Variants in TSC1 observed in about 807,000 individuals in gnomAD.
TSC1 encodes the protein hamartin.
A neutral mutation model predicts 124.3 loss-of-function variants in TSC1; 20 were observed. The ratio of observed to expected loss-of-function variants is 0.16; its 90% CI spans 0.11 to 0.23. The LOEUF is 0.23. Ranked by LOEUF, TSC1 falls within the 10% of genes least tolerant of loss-of-function variation. TSC1 has a pLI of 1.00. For synonymous variants in TSC1, 493 were observed against 539.1 expected (o/e 0.91, Z 1.19); for missense variants, 1,124 against 1,448.5 (o/e 0.78, Z 3.64).
Position 132,902,322 on chromosome 9 carries a change from G to T in TSC1, c.2391+283C>A, listed in dbSNP as rs981210852. Among the ~76,000 whole-genome samples the T allele has an allele frequency of 6.6e-6, 1 of 152,290 alleles. No homozygotes were observed. The highest frequency in any genetic ancestry group is 1.9e-4 in the East Asian group (1 of 5,194). On this transcript the variant is annotated intron_variant, in intron 18 of 22. Transcript: ENST00000298552. The surrounding 1 kb of genome is among the most constrained non-coding windows in gnomAD (Gnocchi z 5.2). ...ACATTCGTACTCACTAAGTTATTCA[G>T]ATCTACTTAATGAGCAGAACTGTTA...
chr9:132,928,751 A>T lies in TSC1; in HGVS notation c.106+16T>A. ...CTTTCTAGAAGATAAGCTAAAAAGG[A>T]TATTATTTTGCTAACCAGAATTGAG... On this transcript the variant is annotated intron_variant, in intron 3 of 22. Transcript: ENST00000298552. 5 of 1,613,836 alleles carry T rather than the reference A, an allele frequency of 3.1e-6. No individual in the cohort carries two copies. Among genetic ancestry groups the T allele is most frequent in the Non-Finnish European group, 4.2e-6 (5 of 1,179,952 alleles).
intron 8 of TSC1, among the ~76,000 whole-genome samples, chr9:132,918,723 C>T (rs1205493326): frequency 2.0e-5 from 3 of 152,016 alleles, no homozygotes; most frequent in African/African-American, 7.2e-5. Context: ...AAAACATGAC[C>T]AGCTCAAGAA....
intron 8 of TSC1, among the ~76,000 whole-genome samples, chr9:132,916,271 C>CGGTACTAAAGG (rs1846268769): frequency 6.6e-6 from 1 of 152,034 alleles, no homozygotes; most frequent in Admixed American, 6.6e-5. Flanking sequence ...AAAGTCAATA[C>CGGTACTAAAGG]GGTACTAAAG....
rs1174967525 is a variant in TSC1 at position 132,892,678 on chromosome 9, T to C, written c.*3557A>G. The C allele has an allele frequency of 8.6e-6, 2 of 233,194 alleles. No individual in the cohort carries two copies. Among genetic ancestry groups the C allele is most frequent in the Non-Finnish European group, 1.7e-5 (2 of 118,076 alleles). The allele number at this position is 233,194 out of a possible 1,614,324, so 14.4% of individuals were successfully genotyped here. A position where few individuals can be genotyped will look rare whatever the true frequency, so the allele number is the denominator to read the frequency against. ...AAGGTGAGTCTCATTACGCAGAACT[T>C]TTGTTTGCTCTTCGGTTCTTTCCTT... On this transcript the variant is annotated 3_prime_UTR_variant, in exon 23 of 23. Transcript: ENST00000298552.
In TSC1 at chr9:132,896,654, C is replaced by A. The variant is rs533565295; in HGVS notation, c.3076G>T (p.Ala1026Ser). ...GETKTPRPSSARGSSGSRGGG... is the reference protein window; with the variant it reads ...GETKTPRPSSSRGSSGSRGGG... ...CCTCTGCTTCCACTACTGCCCCGGG[C>A]GCTGCTGGGCCTGGGGGTCTTGGTC... The change falls in exon 23 of 23, where the codon GCC becomes TCC. Residue 1026 changes from alanine to serine, a missense_variant. This residue lies in a region of TSC1 where 325 missense variants were observed against 383.4 expected (regional missense o/e 0.85). Transcript: ENST00000298552. This position sits in a 1 kb window ranked among gnomAD's most constrained non-coding sequence, Gnocchi z 4.5. 6.2e-7 allele frequency: 1 copy of A among 1,613,978 alleles called. No individual in the cohort carries two copies. Among genetic ancestry groups the A allele is most frequent in the East Asian group, 2.2e-5 (1 of 44,878 alleles).
intron 8 of TSC1, among the ~76,000 whole-genome samples, chr9:132,918,339 T>G (rs981949176): frequency 2.0e-5 from 3 of 152,130 alleles, no homozygotes; most frequent in Non-Finnish European, 4.4e-5. Context: ...ATGAGGAACT[T>G]ATAGCATCTG....
chr9:132,939,933 C>T lies in TSC1; in HGVS notation c.-144+4610G>A, dbSNP rs77767566. Among the ~76,000 whole-genome samples the T allele has an allele frequency of 2.8e-3, 421 of 152,048 alleles. 12 individuals carry two copies. In the East Asian group the frequency reaches 0.068, roughly 24 times the overall value. ...GGTGGGGCCTTCTAGGTAATTCTGA[C>T]GTCCACTAAAGGTTCAGAACCACTG... is the stretch of plus-strand genomic sequence containing the variant. On this transcript the variant is annotated intron_variant, in intron 1 of 22. Coordinates refer to ENST00000298552, the MANE Select transcript of TSC1 (RefSeq NM_000368.5).
intron 16 of TSC1, 53 bp downstream of exon 16, chr9:132,904,358 C>G: frequency 6.2e-7 from 1 of 1,604,790 alleles, no homozygotes; most frequent in South Asian, 1.1e-5. Context: ...GAAAGGGCAA[C>G]AAGCAAGCAG....
intron 16 of TSC1, 151 bp downstream of exon 16, chr9:132,904,260 C>T: frequency 4.6e-6 from 4 of 871,486 alleles, no homozygotes; most frequent in Non-Finnish European, 7.4e-6. Context: ...CTTGGCAACA[C>T]TTGAGATCCT....
intron 1 of TSC1, chr9:132,939,370 T>TGA (rs1349150569): frequency 2.6e-5 from 4 of 152,248 alleles, no homozygotes; most frequent in Non-Finnish European, 5.9e-5. Context: ...TAGTCATGTG[T>TGA]GATTGAATAG....
chr9:132,907,167 C>T (rs766627213), intron 13 of TSC1, 134 bp downstream of exon 13: 20 of 773,256 alleles, frequency 2.6e-5, no homozygotes, highest in East Asian at 1.1e-4. Flanking sequence ...ATTCACTACT[C>T]GTTTCATTAT....
At position 132,928,902 on chromosome 9, in the gene TSC1, C is replaced by T. The variant is rs1168717859; in HGVS notation, c.-30G>A. ...TCGCTCGAAGGCGCTGTGCTGGCTC[C>T]AGGACGTGTGCTACAGGTTCTGAAG... On this transcript the variant is annotated 5_prime_UTR_variant, in exon 3 of 23. Coordinates refer to ENST00000298552, the MANE Select transcript of TSC1 (RefSeq NM_000368.5). The T allele has an allele frequency of 1.2e-6, 2 of 1,613,380 alleles. No individual in the cohort carries two copies. The highest frequency in any genetic ancestry group is 8.5e-7 in the Non-Finnish European group (1 of 1,179,896).
In TSC1 at chr9:132,895,941, G is replaced by C. The variant is rs536230220; in HGVS notation, c.*294C>G. ...AGGTTCAAAGGACGCAACCATTTGG[G>C]GGGGAAAGGAAGAAAGTAAAGCTAC... On this transcript the variant is annotated 3_prime_UTR_variant, in exon 23 of 23. Coordinates refer to ENST00000298552, the MANE Select transcript of TSC1 (RefSeq NM_000368.5). 17 of 460,848 alleles carry C rather than the reference G, an allele frequency of 3.7e-5. No individual in the cohort carries two copies. Among genetic ancestry groups the C allele is most frequent in the Middle Eastern group, 5.9e-4 (1 of 1,706 alleles). 28.5% of individuals were successfully genotyped at this position (460,848 alleles called of 1,614,324 possible).
chr9:132,915,549 A>G lies in TSC1; in HGVS notation c.738-3092T>C, dbSNP rs569884757. The stretch of plus-strand genomic sequence containing the variant: ...ATAATGAACAGAATATTTAAAATTA[A>G]ACGCCTAGTCAAGCATAAACTATTT... On this transcript the variant is annotated intron_variant, in intron 8 of 22. Transcript: ENST00000298552. Among the ~76,000 whole-genome samples, 3 of 152,296 alleles carry G rather than the reference A, an allele frequency of 2.0e-5. No individual in the cohort carries two copies. In the South Asian group the frequency reaches 6.2e-4, roughly 32 times the overall value.
intron 9 of TSC1, 138 bp downstream of exon 9, chr9:132,912,144 A>G: frequency 1.0e-6 from 1 of 973,372 alleles, no homozygotes; most frequent in South Asian, 1.5e-5. Flanking sequence ...ATGGAGGGAC[A>G]TGCAAATTTA....
Position 132,905,800 on chromosome 9 carries a change from CTCG to C in TSC1, c.1775_1777del (p.Thr592del). The C allele has an allele frequency of 1.2e-6, 2 of 1,614,242 alleles. No individual in the cohort carries two copies. The highest frequency in any genetic ancestry group is 1.7e-6 in the Non-Finnish European group (2 of 1,180,048). ...AGGCTGCCCGCTTCCAAAGCCCACT[CTCG>C]TCGGAGGTGGAATTTTACAAGGACT... is the stretch of plus-strand genomic sequence containing the variant. On this transcript the variant is annotated inframe_deletion, in exon 15 of 23. Coordinates refer to ENST00000298552, the MANE Select transcript of TSC1 (RefSeq NM_000368.5).
At chr9:132,909,839 T>C (rs1845849983) in intron 12 of TSC1, 1 of 152,250 alleles carries the variant, frequency 6.6e-6, no homozygotes, top group East Asian at 1.9e-4. Flanking sequence ...TTGTTTTTAA[T>C]GGAGAGAAGA....
intron 2 of TSC1, among the ~76,000 whole-genome samples, chr9:132,930,902 A>G (rs1847165058): frequency 6.6e-6 from 1 of 152,228 alleles, no homozygotes; most frequent in African/African-American, 2.4e-5. Context: ...CCAAAATGTG[A>G]GACCACCGTT....
Position 132,895,937 on chromosome 9 carries a change from T to C in TSC1, c.*298A>G, listed in dbSNP as rs886063619. The C allele has an allele frequency of 8.9e-6, 4 of 448,112 alleles. No homozygotes were observed. Among genetic ancestry groups the C allele is most frequent in the Non-Finnish European group, 1.2e-5 (3 of 244,200 alleles). The allele number at this position is 448,112 out of a possible 1,614,324, so 27.8% of individuals were successfully genotyped here. A position where few individuals can be genotyped will look rare whatever the true frequency, so the allele number is the denominator to read the frequency against. On this transcript the variant is annotated 3_prime_UTR_variant, in exon 23 of 23. Coordinates refer to ENST00000298552, the MANE Select transcript of TSC1 (RefSeq NM_000368.5). ...GCACAGGTTCAAAGGACGCAACCAT[T>C]TGGGGGGGAAAGGAAGAAAGTAAAG...
Sources: gnomAD v4.1 joint callset for allele counts (sites outside exome capture counted in the v4.1 genomes callset) on GRCh38, gnomAD v4.1.1 for gene constraint, gnomAD v4.1.1 regional missense constraint, Gnocchi (gnomAD v3.1) non-coding constraint, MANE v1.5 for transcripts, NCBI Gene and HGNC (gene_info 2026-07-23, HGNC 2026-07-21) for gene names.